RNF216: variants seen among roughly 807,000 people sequenced by gnomAD.
RNF216 encodes the protein ring finger protein 216, also known as E3 ubiquitin-protein ligase RNF216.
In RNF216, 72 loss-of-function variants were observed where a neutral mutation model predicts 110.8. The ratio of observed to expected loss-of-function variants is 0.65; its 90% CI spans 0.54 to 0.79. RNF216 has a LOEUF of 0.79. RNF216 is among the 30% of genes least tolerant of loss of function. The pLI is 0.00. For missense variants in RNF216, 1,342 were observed against 1,141.2 expected, an observed-to-expected ratio of 1.18 and a Z score of -2.54; for synonymous variants, 495 against 407.5, an observed-to-expected ratio of 1.21 and a Z score of -2.59.
chr7:5,721,991 C>CA (rs1456505526), intron 8 of RNF216, among the ~76,000 whole-genome samples: 1 of 152,224 alleles, frequency 6.6e-6, no homozygotes, highest in African/African-American at 2.4e-5. Flanking sequence ...GGCACATTCA[C>CA]AGATCACTGC....
At chr7:5,723,553 A>G (rs1030756768) in intron 8 of RNF216, among the ~76,000 whole-genome samples, 2 of 152,026 alleles carry the variant, frequency 1.3e-5, no homozygotes, top group African/African-American at 4.8e-5. Context: ...AGGCTGAGGT[A>G]GGAGAATGGC....
At chr7:5,716,155 G>C (rs1793049616) in intron 10 of RNF216, among the ~76,000 whole-genome samples, 1 of 152,138 alleles carries the variant, frequency 6.6e-6, no homozygotes, top group Non-Finnish European at 1.5e-5. Flanking sequence ...GCCTCTCAAA[G>C]TGCTGGAATT....
At chr7:5,630,438 C>T (rs1173671473) in intron 15 of RNF216, among the ~76,000 whole-genome samples, 3 of 151,984 alleles carry the variant, frequency 2.0e-5, no homozygotes, top group East Asian at 3.9e-4. Flanking sequence ...AGTAAAATGG[C>T]GTGATTATAG....
At chr7:5,676,650 A>C (rs1333009639) in intron 13 of RNF216, among the ~76,000 whole-genome samples, 1 of 152,162 alleles carries the variant, frequency 6.6e-6, no homozygotes, top group Non-Finnish European at 1.5e-5. Context: ...ATACACACAC[A>C]ATTGGGAGGA....
intron 13 of RNF216, among the ~76,000 whole-genome samples, chr7:5,659,719 G>A (rs1215026467): frequency 6.6e-6 from 1 of 152,152 alleles, no homozygotes; most frequent in Non-Finnish European, 1.5e-5. Context: ...GTGTGGATTT[G>A]ATTCTTGCTT....
chr7:5,709,799 G>A (rs1360171897), intron 13 of RNF216, among the ~76,000 whole-genome samples: 1 of 152,152 alleles, frequency 6.6e-6, no homozygotes, highest in East Asian at 1.9e-4. Context: ...CTGTTGTCCA[G>A]GCTAGAGTGC....
At chr7:5,672,968 C>T (rs1051866179) in intron 13 of RNF216, among the ~76,000 whole-genome samples, 95 of 152,274 alleles carry the variant, frequency 6.2e-4, no homozygotes, top group African/African-American at 2.3e-3. Flanking sequence ...GATGTCCTGG[C>T]TACAGCTCAG....
At chr7:5,645,609 T>G (rs1788003975) in intron 14 of RNF216, among the ~76,000 whole-genome samples, 1 of 152,018 alleles carries the variant, frequency 6.6e-6, no homozygotes, top group African/African-American at 2.4e-5. Context: ...TTTTTTTTTT[T>G]GCAACAGAGT....
intron 15 of RNF216, among the ~76,000 whole-genome samples, chr7:5,631,115 G>C (rs139431776): frequency 6.6e-6 from 1 of 152,214 alleles, no homozygotes; most frequent in Non-Finnish European, 1.5e-5. Context: ...CCCCTTACAA[G>C]ACGTAACAGG....
At chr7:5,779,828 CA>C (rs35798344) in intron 1 of RNF216, among the ~76,000 whole-genome samples, 5,502 of 51,156 alleles carry the variant, frequency 0.11, 238 homozygotes, top group African/African-American at 0.27. Flanking sequence ...GACTCCGCCT[CA>C]AAAAAAAAAA....
rs1790586321 is a variant in RNF216, at chr7:5,680,571, T to G, written c.2062-28061A>C. 1 of 152,224 alleles carries G rather than the reference T, an allele frequency of 6.6e-6. No individual in the cohort carries two copies. The allele number at this position is 152,224 out of a possible 1,614,324, so 9.4% of individuals were successfully genotyped here. A position where few individuals can be genotyped will look rare whatever the true frequency, so the allele number is the denominator to read the frequency against. On this transcript the variant is annotated intron_variant, in intron 13 of 16. Coordinates refer to ENST00000389902, the MANE Select transcript of RNF216 (RefSeq NM_207111.4). This position sits in a 1 kb window ranked among gnomAD's most constrained non-coding sequence, Gnocchi z 4.3. ...CGCGCACCACCATGCTCAGCTAATT[T>G]TTTTTGTATTTTACTAGAGACGGGG...
At chr7:5,756,933 G>A (rs1315980481) in intron 2 of RNF216, among the ~76,000 whole-genome samples, 1 of 152,178 alleles carries the variant, frequency 6.6e-6, no homozygotes, top group Non-Finnish European at 1.5e-5. Flanking sequence ...ACTGCGCCTG[G>A]CTGAGCTTTT....
chr7:5,694,657 A>T (rs970893910), intron 13 of RNF216, among the ~76,000 whole-genome samples: 9 of 152,202 alleles, frequency 5.9e-5, no homozygotes, highest in Non-Finnish European at 1.3e-4. Context: ...GCGCAATTTG[A>T]GGACCTGCCT....
At chr7:5,655,889 C>A (rs558924409) in intron 13 of RNF216, among the ~76,000 whole-genome samples, 1 of 152,268 alleles carries the variant, frequency 6.6e-6, no homozygotes, top group African/African-American at 2.4e-5. Context: ...CAGGGTCTCA[C>A]TCTGTCACCC....
chr7:5,719,881 G>A (rs896437344), intron 9 of RNF216, among the ~76,000 whole-genome samples: 1 of 152,150 alleles, frequency 6.6e-6, no homozygotes, highest in African/African-American at 2.4e-5. Flanking sequence ...CTGGATATAA[G>A]ACAAGCTTCA....
rs1485857026 is a variant in RNF216, at chr7:5,680,550, C to T, written c.2062-28040G>A. The T allele has an allele frequency of 6.6e-6, 1 of 152,264 alleles. No homozygotes were observed. Among genetic ancestry groups the T allele is most frequent in the Non-Finnish European group, 1.5e-5 (1 of 68,146 alleles). The allele number at this position is 152,264 out of a possible 1,614,324, so 9.4% of individuals were successfully genotyped here. On this transcript the variant is annotated intron_variant, in intron 13 of 16. Transcript: ENST00000389902. This position sits in a 1 kb window ranked among gnomAD's most constrained non-coding sequence, Gnocchi z 4.3. ...CTGAGTAGCTGGGACTACAGGCGCG[C>T]ACCACCATGCTCAGCTAATTTTTTT... is the stretch of plus-strand genomic sequence containing the variant.
chr7:5,712,989 T>G (rs967898599), intron 11 of RNF216, 126 bp from the exon 12 acceptor site: 3 of 864,180 alleles, frequency 3.5e-6, no homozygotes. Context: ...TGTTCATCTC[T>G]GAGAAATCAC....
At chr7:5,707,728 T>G (rs1249850729) in intron 13 of RNF216, among the ~76,000 whole-genome samples, 1 of 145,110 alleles carries the variant, frequency 6.9e-6, no homozygotes, top group Admixed American at 6.9e-5. Flanking sequence ...GTTTTTTTTT[T>G]TTTTTTTTTT....
At chr7:5,720,081 T>C (rs1469448035) in intron 9 of RNF216, among the ~76,000 whole-genome samples, 1 of 152,242 alleles carries the variant, frequency 6.6e-6, no homozygotes, top group Admixed American at 6.5e-5. Flanking sequence ...ATTGTGACGA[T>C]GGCTCTACGA....
Sources: gnomAD v4.1 joint callset for allele counts (sites outside exome capture counted in the v4.1 genomes callset) on GRCh38, gnomAD v4.1.1 for gene constraint, Gnocchi (gnomAD v3.1) non-coding constraint, MANE v1.5 for transcripts, NCBI Gene and HGNC (gene_info 2026-07-23, HGNC 2026-07-21) for gene names.